EDAR: variants seen among roughly 807,000 people sequenced by gnomAD.
EDAR encodes the protein ectodysplasin A receptor, also known as tumor necrosis factor receptor superfamily member EDAR.
A neutral mutation model predicts 51.3 loss-of-function variants in EDAR; 38 were observed. The ratio of observed to expected loss-of-function variants is 0.74; its 90% CI spans 0.57 to 0.97. The LOEUF (loss-of-function observed/expected upper bound fraction) is 0.97, where lower values mean the gene tolerates loss of function less well. EDAR is among the 50% of genes least tolerant of loss of function. The probability of loss-of-function intolerance (pLI) is 0.00; values close to 1 mark genes in which losing one functional copy is unlikely to be tolerated. For missense variants in EDAR, 528 were observed against 595.0 expected (o/e 0.89, Z 1.17); for synonymous variants, 227 against 242.1 (o/e 0.94, Z 0.58).
In EDAR at chr2:108,942,522, G is replaced by A. The variant is rs548258817; in HGVS notation, c.-18-11490C>T. The stretch of plus-strand genomic sequence containing the variant: ...GCCAGGTGAACCACGATGAACCACG[G>A]CGACGGCAGGGGCCAGCGTCCCCGT... On this transcript the variant is annotated intron_variant, in intron 1 of 11. Transcript: ENST00000258443. 2.0e-5 allele frequency among the ~76,000 whole-genome samples: 3 copies of A among 152,370 alleles called. No homozygotes were observed. In the East Asian group the frequency reaches 5.8e-4, roughly 29 times the overall value.
At chr2:108,927,144 C>T (rs1264840904) in intron 4 of EDAR, among the ~76,000 whole-genome samples, 3 of 152,196 alleles carry the variant, frequency 2.0e-5, no homozygotes, top group Non-Finnish European at 4.4e-5. Context: ...ATCGTCTGCA[C>T]CCCTGCGGAG....
In EDAR at chr2:108,911,113, A is replaced by T. The variant is rs1696922382; in HGVS notation, c.530-41T>A. On this transcript the variant is annotated intron_variant, in intron 6 of 11. Coordinates refer to ENST00000258443, the MANE Select transcript of EDAR (RefSeq NM_022336.4). ...AGGCATGAATGACCCAGAGCTCAGG[A>T]TCCCTGCTGGTCTTCCCTCCAGGAC... 2.5e-6 allele frequency: 4 copies of T among 1,613,210 alleles called. No homozygotes were observed. In the South Asian group the frequency reaches 4.4e-5, roughly 18 times the overall value.
chr2:108,979,523 A>G (rs1388430116), intron 1 of EDAR, among the ~76,000 whole-genome samples: 2 of 151,236 alleles, frequency 1.3e-5, no homozygotes, highest in Non-Finnish European at 1.5e-5. Context: ...CCAGGAGCTG[A>G]AGTGGGGGCT....
rs369054524 is a variant in EDAR at position 108,897,089 on chromosome 2, C to T, written c.1165G>A (p.Gly389Arg). The T allele has an allele frequency of 6.7e-5, 108 of 1,614,052 alleles. No homozygotes were observed. Among genetic ancestry groups the T allele is most frequent in the Non-Finnish European group, 8.1e-5 (96 of 1,180,044 alleles). Reference protein sequence around the residue: ...ESFGLKRDEIGGMTDGMQLFD... With the variant: ...ESFGLKRDEIRGMTDGMQLFD... ...AGTTGCATGCCGTCTGTCATGCCCCCAATCTCATCCCTCTTCAGGCCGAAG... is the reference window on the plus strand; with the variant it reads ...AGTTGCATGCCGTCTGTCATGCCCCTAATCTCATCCCTCTTCAGGCCGAAG... Residue 389 changes from glycine (G) to arginine (R), a missense_variant, in exon 12 of 12, where the codon GGG becomes AGG. Physicochemically the swap from Gly to Arg is moderately radical, Grantham distance 125. Coordinates refer to ENST00000258443, the MANE Select transcript of EDAR (RefSeq NM_022336.4).
intron 1 of EDAR, among the ~76,000 whole-genome samples, chr2:108,988,276 T>C (rs1698530585): frequency 6.6e-6 from 1 of 152,212 alleles, no homozygotes; most frequent in South Asian, 2.1e-4. Context: ...ATCTCAAAGC[T>C]TGGCTGCTGC....
At chr2:108,948,706 T>C (rs1697763442) in intron 1 of EDAR, among the ~76,000 whole-genome samples, 1 of 151,950 alleles carries the variant, frequency 6.6e-6, no homozygotes, top group South Asian at 2.1e-4. Flanking sequence ...GAGAACAACA[T>C]GGGGAAAACT....
At chr2:108,929,468 C>A (rs1697324742) in intron 3 of EDAR, 89 bp from the exon 4 acceptor site, 1 of 1,362,738 alleles carries the variant, frequency 7.3e-7, no homozygotes, top group Non-Finnish European at 1.0e-6. Flanking sequence ...AGTGACGTGC[C>A]AGCTGTCTCC....
chr2:108,949,660 G>A (rs998043839), intron 1 of EDAR, among the ~76,000 whole-genome samples: 1 of 152,158 alleles, frequency 6.6e-6, no homozygotes, highest in African/African-American at 2.4e-5. Context: ...TTGGAGGATT[G>A]GTTTGGGGCT....
intron 1 of EDAR, among the ~76,000 whole-genome samples, chr2:108,971,952 G>A (rs1190023409): frequency 1.3e-5 from 2 of 152,336 alleles, no homozygotes; most frequent in South Asian, 2.1e-4. Context: ...GGGCAACAGA[G>A]GAGCAGCCGT....
chr2:108,922,200 C>A (rs1250728283), intron 5 of EDAR, among the ~76,000 whole-genome samples: 1 of 152,238 alleles, frequency 6.6e-6, no homozygotes, highest in Non-Finnish European at 1.5e-5. Context: ...GGCAAAGATG[C>A]TTTTGTGAAT....
intron 5 of EDAR, among the ~76,000 whole-genome samples, chr2:108,917,147 G>A (rs1292014962): frequency 1.3e-5 from 2 of 152,200 alleles, no homozygotes; most frequent in Admixed American, 6.5e-5. Context: ...GCCGACAGGC[G>A]AGGGAAGGTG....
At chr2:108,932,354 T>C (rs7602341) in intron 1 of EDAR, among the ~76,000 whole-genome samples, 4,502 of 151,472 alleles carry the variant, frequency 0.03, 137 homozygotes, top group African/African-American at 0.077. Context: ...AGGTGAAACC[T>C]CGTCTCTACT....
chr2:108,896,422 G>C lies in EDAR; in HGVS notation c.*485C>G, dbSNP rs970440390. 6.4e-6 allele frequency: 1 copy of C among 156,928 alleles called. No homozygotes were observed. The highest frequency in any genetic ancestry group is 2.4e-5 in the African/African-American group (1 of 41,496). 9.7% of individuals were successfully genotyped at this position (156,928 alleles called of 1,614,324 possible). A position where few individuals can be genotyped will look rare whatever the true frequency, so the allele number is the denominator to read the frequency against. Reference sequence around the variant, plus strand: ...TCATCCCAGTAGGGAGTCATCTCCCGCTTAGAACTTCTATTAACGTTTTCT... The same window carrying C: ...TCATCCCAGTAGGGAGTCATCTCCCCCTTAGAACTTCTATTAACGTTTTCT... On this transcript the variant is annotated 3_prime_UTR_variant, in exon 12 of 12. Coordinates refer to ENST00000258443, the MANE Select transcript of EDAR (RefSeq NM_022336.4).
chr2:108,966,078 C>T (rs939504702), intron 1 of EDAR, among the ~76,000 whole-genome samples: 3 of 152,122 alleles, frequency 2.0e-5, no homozygotes, highest in Non-Finnish European at 2.9e-5. Context: ...GGATCTAAAG[C>T]AGTTTATAGC....
intron 1 of EDAR, among the ~76,000 whole-genome samples, chr2:108,988,584 G>A (rs1698537972): frequency 6.6e-6 from 1 of 152,124 alleles, no homozygotes; most frequent in East Asian, 1.9e-4. Flanking sequence ...TAGAGTCCCT[G>A]CCGCGCCTGC....
chr2:108,910,667 A>G (rs1252853881), intron 8 of EDAR, 109 bp downstream of exon 8: 19 of 1,427,880 alleles, frequency 1.3e-5, no homozygotes, highest in African/African-American at 2.8e-5. Context: ...TAAGCACAGT[A>G]TGGTTCAGCA....
chr2:108,912,545 T>C (rs755258021), intron 6 of EDAR, 133 bp downstream of exon 6: 6 of 819,330 alleles, frequency 7.3e-6, no homozygotes, highest in Admixed American at 6.0e-5. Context: ...TGTCATTCAA[T>C]TACATTAGGG....
At chr2:108,981,663 A>C (rs1698422123) in intron 1 of EDAR, among the ~76,000 whole-genome samples, 1 of 152,180 alleles carries the variant, frequency 6.6e-6, no homozygotes, top group Non-Finnish European at 1.5e-5. Context: ...CACCCGAGAT[A>C]GTTATGATAC....
At chr2:108,988,788 G>C (rs756149216) in intron 1 of EDAR, among the ~76,000 whole-genome samples, 172 bp downstream of exon 1, 1 of 152,166 alleles carries the variant, frequency 6.6e-6, no homozygotes, top group Non-Finnish European at 1.5e-5. Flanking sequence ...AACAATCTCA[G>C]GTCTTAGAAC....
Sources: gnomAD v4.1 joint callset for allele counts (sites outside exome capture counted in the v4.1 genomes callset) on GRCh38, gnomAD v4.1.1 for gene constraint, MANE v1.5 for transcripts, NCBI Gene and HGNC (gene_info 2026-07-23, HGNC 2026-07-21) for gene names.